The following PAX5 variants were observed in gnomAD, a reference collection of about 807,000 sequenced individuals.
The protein encoded by PAX5 is paired box protein Pax-5.
PAX5 carries 9 observed loss-of-function variants against 43.7 expected under a neutral mutation model. The observed-to-expected ratio is 0.21, with a 90% CI of 0.12 to 0.36. PAX5 has a LOEUF of 0.36. Among genes scored for constraint, PAX5 ranks in the 10% least tolerant of loss-of-function variants. The probability of loss-of-function intolerance (pLI) is 1.00; values close to 1 mark genes in which losing one functional copy is unlikely to be tolerated. For synonymous variants in PAX5, 228 were observed against 214.3 expected (o/e 1.06, Z -0.56); for missense variants, 383 against 532.7 (o/e 0.72, Z 2.77).
chr9:36,969,534 T>A (rs1834758603), intron 5 of PAX5, among the ~76,000 whole-genome samples: 2 of 152,180 alleles, frequency 1.3e-5, no homozygotes, highest in African/African-American at 4.8e-5. Flanking sequence ...ACAGGGGGTG[T>A]TAGGAGACCC....
intron 5 of PAX5, among the ~76,000 whole-genome samples, chr9:36,992,295 A>ATTTTG (rs1174375620): frequency 6.6e-6 from 1 of 152,146 alleles, no homozygotes; most frequent in African/African-American, 2.4e-5. Context: ...TCTTTATTTT[A>ATTTTG]TTTTGTTTCA....
At chr9:36,916,953 G>A (rs1025876094) in intron 7 of PAX5, among the ~76,000 whole-genome samples, 32 of 152,070 alleles carry the variant, frequency 2.1e-4, no homozygotes, top group African/African-American at 7.2e-4. Context: ...CCAAAATGCT[G>A]GGATTACAGG....
chr9:36,906,680 G>C (rs1828850116), intron 7 of PAX5, among the ~76,000 whole-genome samples: 1 of 152,174 alleles, frequency 6.6e-6, no homozygotes, highest in Non-Finnish European at 1.5e-5. Context: ...CTCCACGCTG[G>C]ACAGATCCCC....
At chr9:36,951,658 G>A (rs979606842) in intron 6 of PAX5, among the ~76,000 whole-genome samples, 5 of 152,096 alleles carry the variant, frequency 3.3e-5, no homozygotes, top group East Asian at 1.9e-4. Flanking sequence ...TATTTTACAC[G>A]TCTTCTATTT....
In PAX5 at chr9:36,835,228, G is replaced by A; in HGVS notation, c.*5332C>T. On this transcript the variant is annotated 3_prime_UTR_variant, in exon 10 of 10. Transcript: ENST00000358127. ...GAGATGAGCTAAAGGGGACCCCTTGGATTGAAACTCTAGAATGGCAGTGAC... is the reference window on the plus strand; with the variant it reads ...GAGATGAGCTAAAGGGGACCCCTTGAATTGAAACTCTAGAATGGCAGTGAC... The A allele has an allele frequency of 4.3e-6, 1 of 233,316 alleles. No individual in the cohort carries two copies. The allele number at this position is 233,316 out of a possible 1,614,324, so 14.5% of individuals were successfully genotyped here. A position where few individuals can be genotyped will look rare whatever the true frequency, so the allele number is the denominator to read the frequency against.
At chr9:36,842,286 C>G (rs1251252593) in intron 9 of PAX5, among the ~76,000 whole-genome samples, 1 of 152,224 alleles carries the variant, frequency 6.6e-6, no homozygotes, top group African/African-American at 2.4e-5. Context: ...ACCCTGCCTG[C>G]AGGTGAGCCC....
Position 36,891,092 on chromosome 9 carries a change from T to C in PAX5, c.911-8987A>G, listed in dbSNP as rs556683843. On this transcript the variant is annotated intron_variant, in intron 7 of 9. Coordinates refer to ENST00000358127, the MANE Select transcript of PAX5 (RefSeq NM_016734.3). ...AGGTGGAGGTTGCAGTGAGCCGAGA[T>C]TGCGCCACTGCACTCCGGCCTGGGC... Among the ~76,000 whole-genome samples, 12 of 152,264 alleles carry C rather than the reference T, an allele frequency of 7.9e-5. 1 individual carries two copies. In the South Asian group the frequency reaches 2.5e-3, roughly 32 times the overall value.
intron 5 of PAX5, among the ~76,000 whole-genome samples, chr9:36,990,678 C>T (rs977686554): frequency 6.6e-6 from 1 of 152,246 alleles, no homozygotes; most frequent in Non-Finnish European, 1.5e-5. Context: ...TGAGCAGATT[C>T]AATGGATATT....
intron 6 of PAX5, among the ~76,000 whole-genome samples, chr9:36,952,234 C>CTTTTTTTTTTTTTTTTTTTT (rs138009049): frequency 3.0e-5 from 2 of 66,626 alleles, no homozygotes; most frequent in Admixed American, 2.6e-4. Flanking sequence ...GACCATCTCC[C>CTTTTTTTTTTTTTTTTTTTT]TTTTTTTTTT....
rs1046676330 is a variant in PAX5, at chr9:36,833,367, A to T, written c.*7193T>A. 4.3e-6 allele frequency: 1 copy of T among 233,122 alleles called. No homozygotes were observed. The highest frequency in any genetic ancestry group is 8.5e-6 in the Non-Finnish European group (1 of 118,026). The allele number at this position is 233,122 out of a possible 1,614,324, so 14.4% of individuals were successfully genotyped here. A position where few individuals can be genotyped will look rare whatever the true frequency, so the allele number is the denominator to read the frequency against. On this transcript the variant is annotated 3_prime_UTR_variant, in exon 10 of 10. Transcript: ENST00000358127. ...CTCACATAAAGGTTACATAAAATCAATTCTTCACAAGTAACAGCCACTCAT... is the reference window on the plus strand; with the variant it reads ...CTCACATAAAGGTTACATAAAATCATTTCTTCACAAGTAACAGCCACTCAT...
At position 36,835,603 on chromosome 9, in the gene PAX5, A is replaced by G; in HGVS notation, c.*4957T>C. 1 of 233,344 alleles carries G rather than the reference A, an allele frequency of 4.3e-6. No homozygotes were observed. Among genetic ancestry groups the G allele is most frequent in the Non-Finnish European group, 8.5e-6 (1 of 118,044 alleles). The allele number at this position is 233,344 out of a possible 1,614,324, so 14.5% of individuals were successfully genotyped here. On this transcript the variant is annotated 3_prime_UTR_variant, in exon 10 of 10. Coordinates refer to ENST00000358127, the MANE Select transcript of PAX5 (RefSeq NM_016734.3). ...TGGGAGGTGGGGCACGCCGTGGGCT[A>G]GGAGTCGTGGCCTGACTGTCCAACT... is the stretch of plus-strand genomic sequence containing the variant.
intron 6 of PAX5, among the ~76,000 whole-genome samples, chr9:36,956,574 A>G (rs7028325): frequency 0.72 from 109,832 of 152,082 alleles, 40,153 homozygotes; most frequent in South Asian, 0.84. Context: ...CAATTTGCCC[A>G]GTATTCCCTC....
intron 5 of PAX5, among the ~76,000 whole-genome samples, chr9:36,990,507 ATT>A (rs1164000290): frequency 3.3e-4 from 50 of 152,368 alleles, no homozygotes; most frequent in African/African-American, 1.2e-3. Context: ...CAGGCAAGTC[ATT>A]GATCAGAATT....
At chr9:37,027,072 C>A (rs990563390) in intron 1 of PAX5, among the ~76,000 whole-genome samples, 1 of 152,256 alleles carries the variant, frequency 6.6e-6, no homozygotes, top group Non-Finnish European at 1.5e-5. Context: ...CTCCTCGACC[C>A]CTCGGTCTCC....
intron 7 of PAX5, among the ~76,000 whole-genome samples, chr9:36,895,542 T>C (rs1443276693): frequency 6.6e-6 from 1 of 152,230 alleles, no homozygotes; most frequent in African/African-American, 2.4e-5. Context: ...AAAATGGGGA[T>C]AATGATACCT....
At chr9:36,900,160 A>C (rs972055719) in intron 7 of PAX5, among the ~76,000 whole-genome samples, 2 of 152,242 alleles carry the variant, frequency 1.3e-5, no homozygotes, top group African/African-American at 4.8e-5. Flanking sequence ...CTTGAGGCCA[A>C]AGTCAGAGAC....
chr9:37,015,107 A>C lies in PAX5; in HGVS notation c.300T>G (p.Ala100=). The C allele has an allele frequency of 6.2e-7, 1 of 1,614,172 alleles. No homozygotes were observed. Among genetic ancestry groups the C allele is most frequent in the African/African-American group, 1.3e-5 (1 of 75,036 alleles). ...VATPKVVEKI[A]EYKRQNPTMF... ...TGGTGGGATTTTGGCGTTTATATTC[A>C]GCGATTTTTTCCACCACTTTGGGTG... The change falls in exon 3 of 10, where the codon GCT becomes GCG. Residue 100 remains alanine, a synonymous_variant. Coordinates refer to ENST00000358127, the MANE Select transcript of PAX5 (RefSeq NM_016734.3). This position sits in a 1 kb window ranked among gnomAD's most constrained non-coding sequence, Gnocchi z 4.4.
intron 8 of PAX5, among the ~76,000 whole-genome samples, chr9:36,863,695 C>A (rs1466652129): frequency 1.3e-5 from 2 of 151,826 alleles, no homozygotes; most frequent in Admixed American, 6.5e-5. Flanking sequence ...TCTGTGCAAG[C>A]CGATGCCTCC....
At chr9:36,988,018 C>T (rs538331828) in intron 5 of PAX5, among the ~76,000 whole-genome samples, 1 of 151,724 alleles carries the variant, frequency 6.6e-6, no homozygotes, top group African/African-American at 2.4e-5. Context: ...AAACGAAGAG[C>T]GAGAAGATGA....
Sources: allele counts gnomAD v4.1 joint callset (sites outside exome capture counted in the v4.1 genomes callset), GRCh38; gene constraint gnomAD v4.1.1; non-coding constraint Gnocchi (gnomAD v3.1); transcripts MANE v1.5; gene names NCBI Gene and HGNC (gene_info 2026-07-23, HGNC 2026-07-21).